The following DACH2 variants were observed in gnomAD, a reference collection of about 807,000 sequenced individuals.
The protein encoded by DACH2 is dachshund family transcription factor 2, also known as dachshund homolog 2.
Under a neutral mutation model 35.8 loss-of-function variants are expected in DACH2, and 17 were observed. The observed-to-expected ratio is 0.48, with a 90% CI of 0.33 to 0.71. DACH2 has a LOEUF of 0.71. Ranked by LOEUF, DACH2 falls within the 30% of genes least tolerant of loss-of-function variation. DACH2 has a pLI of 0.02. For synonymous variants in DACH2, 195 were observed against 177.3 expected, an observed-to-expected ratio of 1.10 and a Z score of -0.79; for missense variants, 469 against 472.7, an observed-to-expected ratio of 0.99 and a Z score of 0.07.
intron 7 of DACH2, among the ~76,000 whole-genome samples, chrX:86,782,314 G>T (rs1382644281): frequency 9.0e-6 from 1 of 111,602 alleles, no homozygotes; most frequent in East Asian, 2.8e-4. Flanking sequence ...CAATGACATT[G>T]TTCACAAAAT....
At chrX:86,222,571 G>A (rs1282490009) in intron 1 of DACH2, among the ~76,000 whole-genome samples, 1 of 111,390 alleles carries the variant, frequency 9.0e-6, no homozygotes, top group East Asian at 2.8e-4. Flanking sequence ...CAGTTATTGG[G>A]TGGGAGGACT....
chrX:86,179,719 A>G (rs1015932792), intron 1 of DACH2, among the ~76,000 whole-genome samples: 2 of 111,666 alleles, frequency 1.8e-5, no homozygotes, highest in East Asian at 2.8e-4. Context: ...ATCTCACCCA[A>G]TGAAGGAGCT....
At chrX:86,593,672 C>T (rs1447543134) in intron 3 of DACH2, among the ~76,000 whole-genome samples, 1 of 110,322 alleles carries the variant, frequency 9.1e-6, no homozygotes, top group East Asian at 2.8e-4. Flanking sequence ...AGTCATCTGC[C>T]CGCCTCAGCC....
intron 3 of DACH2, among the ~76,000 whole-genome samples, chrX:86,590,394 A>G (rs763978279): frequency 4.5e-5 from 5 of 111,864 alleles, no homozygotes; most frequent in Non-Finnish European, 7.5e-5. Flanking sequence ...TGGCCCCATC[A>G]TCACAAAGCA....
chrX:86,510,516 G>C (rs1349365472), intron 2 of DACH2, among the ~76,000 whole-genome samples: 1 of 111,852 alleles, frequency 8.9e-6, no homozygotes, highest in Non-Finnish European at 1.9e-5. Context: ...GAAGCTGGGT[G>C]AGTATTTCAT....
At chrX:86,539,474 G>C (rs1234369724) in intron 3 of DACH2, among the ~76,000 whole-genome samples, 1 of 111,470 alleles carries the variant, frequency 9.0e-6, no homozygotes, top group African/African-American at 3.3e-5. Context: ...TATGAGGACA[G>C]GTCCAAAAAG....
intron 1 of DACH2, among the ~76,000 whole-genome samples, chrX:86,288,527 C>A: frequency 8.9e-6 from 1 of 112,107 alleles, no homozygotes; most frequent in Non-Finnish European, 1.9e-5. Flanking sequence ...GGAGGCAGGC[C>A]CTAGAGTCAC....
At chrX:86,548,172 G>T (rs761518566) in intron 3 of DACH2, among the ~76,000 whole-genome samples, 2 of 110,683 alleles carry the variant, frequency 1.8e-5, no homozygotes, top group African/African-American at 6.6e-5. Context: ...ATGTGAATTA[G>T]CTCACGTGCT....
intron 2 of DACH2, among the ~76,000 whole-genome samples, chrX:86,491,576 A>T (rs1296590097): frequency 9.0e-6 from 1 of 111,535 alleles, no homozygotes; most frequent in East Asian, 2.8e-4. Flanking sequence ...CTTTATTTTC[A>T]CAGAGAGAGT....
intron 3 of DACH2, among the ~76,000 whole-genome samples, chrX:86,645,714 G>A (rs189766390): frequency 0.011 from 1,238 of 111,335 alleles, 19 homozygotes; most frequent in African/African-American, 0.038. Context: ...GGAATATTAT[G>A]CAGCCATAAA....
chrX:86,472,627 A>T (rs977405874), intron 2 of DACH2, among the ~76,000 whole-genome samples: 1 of 112,247 alleles, frequency 8.9e-6, no homozygotes, highest in African/African-American at 3.2e-5. Flanking sequence ...AAAATAAAAT[A>T]TTCCAGACAT....
At chrX:86,375,555 A>T (rs184768406) in intron 1 of DACH2, among the ~76,000 whole-genome samples, 1 of 106,936 alleles carries the variant, frequency 9.4e-6, no homozygotes, top group South Asian at 4.0e-4. Context: ...AGGATGCATT[A>T]TCACTGACTT....
At position 86,463,588 on chromosome X, in the gene DACH2, G is replaced by A. The variant is rs774692467; in HGVS notation, c.528-50691G>A. Among the ~76,000 whole-genome samples the A allele has an allele frequency of 1.5e-4, 17 of 111,039 alleles. No homozygotes were observed. In the South Asian group the frequency reaches 4.2e-3, roughly 27 times the overall value. ...ATAAAAACCCTAGAAGAAAACCTGG[G>A]CAATACCATTCAGGACACAGGCATG... On this transcript the variant is annotated intron_variant, in intron 2 of 11. Transcript: ENST00000373125.
intron 1 of DACH2, among the ~76,000 whole-genome samples, chrX:86,298,368 T>G (rs775931873): frequency 8.9e-6 from 1 of 112,204 alleles, no homozygotes; most frequent in African/African-American, 3.2e-5. Flanking sequence ...TTAACTCTAT[T>G]TTTCTGCACA....
intron 3 of DACH2, among the ~76,000 whole-genome samples, chrX:86,549,010 G>A (rs1181687976): frequency 2.7e-5 from 3 of 111,786 alleles, no homozygotes; most frequent in Non-Finnish European, 5.6e-5. Context: ...ATTAGAGAAT[G>A]CCCCTTAAAT....
intron 2 of DACH2, among the ~76,000 whole-genome samples, chrX:86,459,884 A>G (rs111982913): frequency 3.8e-5 from 2 of 52,105 alleles, no homozygotes; most frequent in Non-Finnish European, 7.9e-5. Context: ...GATTATTTTT[A>G]TTATTGATTA....
chrX:86,335,940 T>C (rs2035300471), intron 1 of DACH2, among the ~76,000 whole-genome samples: 1 of 111,969 alleles, frequency 8.9e-6, no homozygotes, highest in African/African-American at 3.2e-5. Context: ...CCTAGTTTAT[T>C]GAGAGTTTTT....
chrX:86,444,393 T>A (rs1358506446), intron 2 of DACH2, among the ~76,000 whole-genome samples: 1 of 111,949 alleles, frequency 8.9e-6, no homozygotes, highest in East Asian at 2.8e-4. Context: ...TGTGGCTAGT[T>A]CTTCCTTATA....
At chrX:86,614,030 G>A (rs1239544979) in intron 3 of DACH2, among the ~76,000 whole-genome samples, 3 of 111,780 alleles carry the variant, frequency 2.7e-5, no homozygotes, top group African/African-American at 9.7e-5. Flanking sequence ...GTGTTAAATA[G>A]TTGAGCACCT....
Sources: gnomAD v4.1 joint callset for allele counts (sites outside exome capture counted in the v4.1 genomes callset) on GRCh38, gnomAD v4.1.1 for gene constraint, MANE v1.5 for transcripts, NCBI Gene and HGNC (gene_info 2026-07-23, HGNC 2026-07-21) for gene names.